The following UPF3B variants were observed in gnomAD, a reference collection of about 807,000 sequenced individuals.
UPF3B encodes regulator of nonsense transcripts 3B.
A neutral mutation model predicts 40.3 loss-of-function variants in UPF3B; 7 were observed. That is an observed-to-expected ratio of 0.17 (90% CI 0.10 to 0.33). The LOEUF (loss-of-function observed/expected upper bound fraction) is 0.33, where lower values mean the gene tolerates loss of function less well. Ranked by LOEUF, UPF3B falls within the 10% of genes least tolerant of loss-of-function variation. UPF3B has a pLI of 1.00. For missense variants in UPF3B, 229 were observed against 358.9 expected (o/e 0.64, Z 2.93); for synonymous variants, 117 against 117.3 (o/e 1.00, Z 0.01).
intron 5 of UPF3B, among the ~76,000 whole-genome samples, chrX:119,812,010 T>C (rs1429583640): frequency 2.7e-5 from 3 of 110,889 alleles, no homozygotes; most frequent in Non-Finnish European, 3.8e-5. Flanking sequence ...TCTCAGCCCA[T>C]TGGGAGGTTT....
At chrX:119,844,108 T>C (rs2496214) in intron 4 of UPF3B, among the ~76,000 whole-genome samples, 5,583 of 110,763 alleles carry the variant, frequency 0.05, 310 homozygotes, top group African/African-American at 0.17. Context: ...TGGAGTGCAA[T>C]GGTGCGGTCT....
At chrX:119,851,124 T>C (rs150854187) in intron 3 of UPF3B, among the ~76,000 whole-genome samples, 1 of 112,474 alleles carries the variant, frequency 8.9e-6, no homozygotes, top group South Asian at 3.6e-4. Flanking sequence ...GTTGGCTTAA[T>C]GGATTTGAAT....
At position 119,852,186 on chromosome X, in the gene UPF3B, C is replaced by T. The variant is rs774500606; in HGVS notation, c.157-313G>A. 2.7e-5 allele frequency among the ~76,000 whole-genome samples: 3 copies of T among 111,641 alleles called. No homozygotes were observed. The South Asian group carries it at 1.1e-3, about 42-fold the overall frequency. On this transcript the variant is annotated intron_variant, in intron 1 of 10. Coordinates refer to ENST00000276201, the MANE Select transcript of UPF3B (RefSeq NM_080632.3). ...ACCCATTTTTTAACAGATCTAGTGG[C>T]AATAACTTAGTAAGCCAACGCTGGT...
intron 3 of UPF3B, among the ~76,000 whole-genome samples, chrX:119,849,768 A>G (rs1406483369): frequency 9.0e-6 from 1 of 111,300 alleles, no homozygotes; most frequent in Non-Finnish European, 1.9e-5. Flanking sequence ...GAATTATACA[A>G]GAATGAAAAA....
chrX:119,830,970 A>G (rs763523731), downstream of UPF3B, among the ~76,000 whole-genome samples: 2 of 112,123 alleles, frequency 1.8e-5, no homozygotes, highest in East Asian at 5.6e-4. Context: ...TTTTGATTTT[A>G]GAACCAGCTT....
At chrX:119,816,438 T>C (rs754719181) in intron 4 of UPF3B, among the ~76,000 whole-genome samples, 2 of 111,803 alleles carry the variant, frequency 1.8e-5, no homozygotes, top group South Asian at 7.5e-4. Context: ...CAAGGACTTA[T>C]TTGAATCCCT....
At chrX:119,824,064 A>G (rs146791249) in intron 3 of UPF3B, among the ~76,000 whole-genome samples, 3,834 of 109,940 alleles carry the variant, frequency 0.035, 221 homozygotes, top group African/African-American at 0.12. Context: ...AAGAAGAAAG[A>G]TGGTATTGGG....
At chrX:119,830,451 C>T (rs2056024273), downstream of UPF3B, among the ~76,000 whole-genome samples, 1 of 111,036 alleles carries the variant, frequency 9.0e-6, no homozygotes, top group Non-Finnish European at 1.9e-5. Flanking sequence ...CCTGCTCCTG[C>T]TTCACCTTCC....
At chrX:119,844,646 C>T (rs756015277) in intron 4 of UPF3B, among the ~76,000 whole-genome samples, 1 of 110,305 alleles carries the variant, frequency 9.1e-6, no homozygotes, top group Non-Finnish European at 1.9e-5. Flanking sequence ...TCTTGTTGCC[C>T]AGGCTGGAGT....
Position 119,834,662 on chromosome X carries a change from T to C in UPF3B, c.*216A>G. On this transcript the variant is annotated 3_prime_UTR_variant, in exon 11 of 11. Transcript: ENST00000276201. ...CCTTTTTCTGACACTTTAAAATTAATTTGTAGAAATTGCAAAAGCAATGAA... is the reference window on the plus strand; with the variant it reads ...CCTTTTTCTGACACTTTAAAATTAACTTGTAGAAATTGCAAAAGCAATGAA... 9.3e-7 allele frequency: 1 copy of C among 1,073,777 alleles called. No individual in the cohort carries two copies. Among genetic ancestry groups the C allele is most frequent in the Non-Finnish European group, 1.2e-6 (1 of 833,569 alleles). 88.5% of individuals were successfully genotyped at this position (1,073,777 alleles called of 1,213,427 possible).
chrX:119,805,618 A>G (rs1292568024), intron 6 of UPF3B, among the ~76,000 whole-genome samples: 1 of 110,705 alleles, frequency 9.0e-6, no homozygotes, highest in African/African-American at 3.4e-5. Flanking sequence ...CAGAATCTAC[A>G]ATGACCTCAA....
downstream of UPF3B, among the ~76,000 whole-genome samples, chrX:119,833,027 CCCCACTGCCCTCA>C (rs924981024): frequency 3.6e-5 from 4 of 111,172 alleles, no homozygotes; most frequent in Admixed American, 2.9e-4. Flanking sequence ...ACTAGCTACC[CCCCACTGCCCTCA>C]CCCTTTCAAT....
chrX:119,833,786 G>A (rs138956207), downstream of UPF3B, among the ~76,000 whole-genome samples: 1,814 of 112,321 alleles, frequency 0.016, 17 homozygotes, highest in Middle Eastern at 0.037. Flanking sequence ...GATTACAGGC[G>A]TGAGCCACTG....
downstream of UPF3B, chrX:119,833,898 C>A (rs1171218980): frequency 2.9e-6 from 1 of 343,948 alleles, no homozygotes; most frequent in Non-Finnish European, 3.8e-6. Context: ...CCTGCTTCTA[C>A]TTCACCTTCT....
At chrX:119,838,799 G>T (rs186038746) in intron 8 of UPF3B, among the ~76,000 whole-genome samples, 3 of 111,094 alleles carry the variant, frequency 2.7e-5, no homozygotes, top group African/African-American at 9.8e-5. Flanking sequence ...CTGAGGCAGG[G>T]TCTCACTACT....
At chrX:119,822,195 A>C (rs1006857964) in intron 4 of UPF3B, among the ~76,000 whole-genome samples, 1 of 112,993 alleles carries the variant, frequency 8.9e-6, no homozygotes, top group African/African-American at 3.2e-5. Context: ...AAATGTTTGC[A>C]TCAATGAAAG....
At chrX:119,832,935 G>A (rs2056051656), downstream of UPF3B, among the ~76,000 whole-genome samples, 1 of 111,700 alleles carries the variant, frequency 9.0e-6, no homozygotes, top group Non-Finnish European at 1.9e-5. Flanking sequence ...GCTGTGGAGG[G>A]TGGTCCAGTT....
intron 5 of UPF3B, among the ~76,000 whole-genome samples, chrX:119,842,580 T>TCTCACACACACACACACA (rs1556379941): frequency 5.6e-5 from 4 of 71,459 alleles, no homozygotes; most frequent in African/African-American, 2.4e-4. Flanking sequence ...ACTCCATCTC[T>TCTCACACACACACACACA]CACACACACA....
At chrX:119,807,775 A>C (rs190170563) in intron 5 of UPF3B, among the ~76,000 whole-genome samples, 1 of 111,240 alleles carries the variant, frequency 9.0e-6, no homozygotes, top group East Asian at 2.8e-4. Context: ...TTTTATAATT[A>C]TTATTTTATA....
Sources: allele counts gnomAD v4.1 joint callset (sites outside exome capture counted in the v4.1 genomes callset), GRCh38; gene constraint gnomAD v4.1.1; transcripts MANE v1.5; gene names NCBI Gene and HGNC (gene_info 2026-07-23, HGNC 2026-07-21).